The following POT1 variants were observed in gnomAD, a reference collection of about 807,000 sequenced individuals.
POT1 encodes protection of telomeres protein 1.
In POT1, 47 loss-of-function variants were observed where a neutral mutation model predicts 78.5. The ratio of observed to expected loss-of-function variants is 0.60; its 90% CI spans 0.47 to 0.76. The LOEUF is 0.76. Among genes scored for constraint, POT1 ranks in the 30% least tolerant of loss-of-function variants. The probability of loss-of-function intolerance (pLI) is 0.00; values close to 1 mark genes in which losing one functional copy is unlikely to be tolerated. For synonymous variants in POT1, 259 were observed against 260.7 expected, an observed-to-expected ratio of 0.99 and a Z score of 0.06; for missense variants, 646 against 749.9, an observed-to-expected ratio of 0.86 and a Z score of 1.62.
chr7:124,832,940 G>A (rs1215914919), intron 15 of POT1, among the ~76,000 whole-genome samples: 1 of 151,790 alleles, frequency 6.6e-6, no homozygotes, highest in Admixed American at 6.6e-5. Flanking sequence ...GTTTAGACGC[G>A]TCACGGTGCC....
chr7:124,841,237 C>A, intron 13 of POT1, 59 bp from the exon 14 acceptor site: 1 of 1,321,010 alleles, frequency 7.6e-7, no homozygotes, highest in Non-Finnish European at 1.1e-6. Context: ...TGAAGATTTC[C>A]ATTTAACAAG....
chr7:124,872,759 C>T (rs1245286470), intron 6 of POT1, among the ~76,000 whole-genome samples: 1 of 152,172 alleles, frequency 6.6e-6, no homozygotes. Context: ...ATTATGGGAT[C>T]ATATGGTAGT....
At chr7:124,916,834 T>C (rs535991117) in intron 2 of POT1, among the ~76,000 whole-genome samples, 1 of 152,132 alleles carries the variant, frequency 6.6e-6, no homozygotes, top group Non-Finnish European at 1.5e-5. Context: ...TGCGCTTCTC[T>C]ACAGACCTGA....
chr7:124,829,203 T>C (rs1794701122), intron 16 of POT1, 51 bp downstream of exon 16: 1 of 1,261,424 alleles, frequency 7.9e-7, no homozygotes, highest in African/African-American at 1.5e-5. Flanking sequence ...GTAGGTGAAA[T>C]AACCTTGTAA....
chr7:124,859,840 G>GA (rs774829313), intron 8 of POT1, among the ~76,000 whole-genome samples: 403 of 144,542 alleles, frequency 2.8e-3, no homozygotes, highest in Non-Finnish European at 4.8e-3. Flanking sequence ...GTATTGCTCA[G>GA]AAAAAAAAAA....
At chr7:124,837,767 T>C (rs1049940445) in intron 14 of POT1, among the ~76,000 whole-genome samples, 1 of 152,084 alleles carries the variant, frequency 6.6e-6, no homozygotes. Context: ...GAAGACCTAT[T>C]GATCAACTTC....
chr7:124,841,355 TC>T (rs987361201), intron 13 of POT1, among the ~76,000 whole-genome samples, 177 bp from the exon 14 acceptor site: 1 of 151,998 alleles, frequency 6.6e-6, no homozygotes, highest in African/African-American at 2.4e-5. Flanking sequence ...TAACTTTTTT[TC>T]AATAGATAAT....
chr7:124,853,117 A>G lies in POT1; in HGVS notation c.724T>C (p.Tyr242His). The change falls in exon 10 of 19, where the codon TAT becomes CAT. Residue 242 changes from tyrosine to histidine, a missense_variant. Around this residue, in one of 2 missense-constraint regions of POT1, gnomAD observed 252 missense variants for 341.4 expected, o/e 0.74. Coordinates refer to ENST00000357628, the MANE Select transcript of POT1 (RefSeq NM_015450.3). ...SLKVGSFLRIYSLHTKLQSMN... is the reference protein window; with the variant it reads ...SLKVGSFLRIHSLHTKLQSMN... ...GATTGAAGTTTGGTATGAAGGCTAT[A>G]GATTCTAAGAAAGCTTCCAACCTAA... is the stretch of plus-strand genomic sequence containing the variant. The G allele has an allele frequency of 6.3e-7, 1 of 1,594,336 alleles. No individual in the cohort carries two copies. Among genetic ancestry groups the G allele is most frequent in the Non-Finnish European group, 8.6e-7 (1 of 1,166,914 alleles).
intron 6 of POT1, among the ~76,000 whole-genome samples, chr7:124,882,239 A>C (rs1320899205): frequency 6.6e-6 from 1 of 152,060 alleles, no homozygotes; most frequent in Non-Finnish European, 1.5e-5. Context: ...CTACTAAAAC[A>C]CTGCTGTTTT....
chr7:124,829,722 A>ATATCTG (rs1794716484), intron 15 of POT1, among the ~76,000 whole-genome samples: 1 of 151,620 alleles, frequency 6.6e-6, no homozygotes, highest in Admixed American at 6.6e-5. Flanking sequence ...ATCTATATCT[A>ATATCTG]TATCTATATA....
intron 3 of POT1, among the ~76,000 whole-genome samples, chr7:124,902,552 T>A (rs1318102921): frequency 6.6e-6 from 1 of 152,120 alleles, no homozygotes; most frequent in Non-Finnish European, 1.5e-5. Flanking sequence ...GAACAATTGG[T>A]ACCAGCCAAT....
Position 124,835,229 on chromosome 7 carries a change from C to A in POT1, c.1505+50G>T, listed in dbSNP as rs370450942. ...CCATGTTCAGCACATGACCCCAGAA[C>A]TTAAAAGTATAATAAACAAAACAAA... On this transcript the variant is annotated intron_variant, in intron 15 of 18. Coordinates refer to ENST00000357628, the MANE Select transcript of POT1 (RefSeq NM_015450.3). The A allele has an allele frequency of 5.2e-5, 83 of 1,588,466 alleles. No individual in the cohort carries two copies. In the African/African-American group the frequency reaches 1.1e-3, roughly 21 times the overall value.
rs532456825 is a variant in POT1 at position 124,905,503 on chromosome 7, C to T, written c.-153-7129G>A. Among the ~76,000 whole-genome samples, 43 of 151,792 alleles carry T rather than the reference C, an allele frequency of 2.8e-4. 1 individual carries two copies. Among genetic ancestry groups the T allele is most frequent in the African/African-American group, 9.4e-4 (39 of 41,422 alleles). On this transcript the variant is annotated intron_variant, in intron 3 of 18. Coordinates refer to ENST00000357628, the MANE Select transcript of POT1 (RefSeq NM_015450.3). Reference sequence around the variant, plus strand: ...ATTAAAGATGGATTAAAGACTTAAACGTTAGACCTAAAACCATAAAAAAAA... The same window carrying T: ...ATTAAAGATGGATTAAAGACTTAAATGTTAGACCTAAAACCATAAAAAAAA...
intron 6 of POT1, among the ~76,000 whole-genome samples, chr7:124,877,323 T>C (rs1796011632): frequency 6.6e-6 from 1 of 152,150 alleles, no homozygotes; most frequent in Non-Finnish European, 1.5e-5. Context: ...ATGAAGAACA[T>C]TTCCAGATTT....
Position 124,929,012 on chromosome 7 carries a change from AACCAGTGTT to A in POT1, c.-411-22_-411-14del, listed in dbSNP as rs1797343345. On this transcript the variant is annotated splice_polypyrimidine_tract_variant and intron_variant, in intron 1 of 18. Coordinates refer to ENST00000357628, the MANE Select transcript of POT1 (RefSeq NM_015450.3). ...TGACAACTTGCTGCTGAAAATACAA[AACCAGTGTT>A]TTACCCAAAATGAAGTCAATAATTT... 6.6e-6 allele frequency: 1 copy of A among 152,606 alleles called. No individual in the cohort carries two copies. The highest frequency in any genetic ancestry group is 2.4e-5 in the African/African-American group (1 of 41,452). The allele number at this position is 152,606 out of a possible 1,614,324, so 9.5% of individuals were successfully genotyped here. A position where few individuals can be genotyped will look rare whatever the true frequency, so the allele number is the denominator to read the frequency against.
At chr7:124,866,873 T>C (rs906194045) in intron 7 of POT1, among the ~76,000 whole-genome samples, 1 of 152,220 alleles carries the variant, frequency 6.6e-6, no homozygotes, top group Admixed American at 6.5e-5. Flanking sequence ...AAGTTCGCTC[T>C]GCAGATTCTA....
At chr7:124,918,346 G>T (rs1435030981) in intron 2 of POT1, among the ~76,000 whole-genome samples, 1 of 152,134 alleles carries the variant, frequency 6.6e-6, no homozygotes, top group Non-Finnish European at 1.5e-5. Context: ...ACTTCCTAGA[G>T]GGGGGACCAA....
At chr7:124,874,183 T>G (rs1040249796) in intron 6 of POT1, among the ~76,000 whole-genome samples, 3 of 152,150 alleles carry the variant, frequency 2.0e-5, no homozygotes, top group South Asian at 2.1e-4. Context: ...CATGTTGGTG[T>G]TAACAACTAG....
At chr7:124,840,124 G>C (rs1474425779) in intron 14 of POT1, among the ~76,000 whole-genome samples, 1 of 150,628 alleles carries the variant, frequency 6.6e-6, no homozygotes, top group Non-Finnish European at 1.5e-5. Context: ...CTACCAGCGT[G>C]GTACATTTGT....
Sources: gnomAD v4.1 joint callset for allele counts (sites outside exome capture counted in the v4.1 genomes callset) on GRCh38, gnomAD v4.1.1 for gene constraint, gnomAD v4.1.1 regional missense constraint, MANE v1.5 for transcripts, NCBI Gene and HGNC (gene_info 2026-07-23, HGNC 2026-07-21) for gene names.